Variants in GRIA1 observed in about 807,000 individuals in gnomAD.
GRIA1 encodes the protein glutamate receptor 1.
GRIA1 carries 31 observed loss-of-function variants against 99.2 expected under a neutral mutation model. That is an observed-to-expected ratio of 0.31 (90% CI 0.23 to 0.42). The LOEUF is 0.42. Ranked by LOEUF, GRIA1 falls within the 10% of genes least tolerant of loss-of-function variation. The probability of loss-of-function intolerance (pLI) is 1.00; values close to 1 mark genes in which losing one functional copy is unlikely to be tolerated. For synonymous variants in GRIA1, 438 were observed against 432.4 expected (o/e 1.01, Z -0.16); for missense variants, 782 against 1,157.5 (o/e 0.68, Z 4.71).
At chr5:153,561,818 C>T (rs534535575) in intron 2 of GRIA1, among the ~76,000 whole-genome samples, 10 of 152,214 alleles carry the variant, frequency 6.6e-5, no homozygotes, top group African/African-American at 7.2e-5. Flanking sequence ...AGGGGGCAAT[C>T]ACTTCCACCA....
chr5:153,740,909 G>A (rs1323077675), intron 11 of GRIA1, among the ~76,000 whole-genome samples: 1 of 150,304 alleles, frequency 6.7e-6, no homozygotes, highest in East Asian at 2.0e-4. Context: ...TACGTAACCT[G>A]AGCAAGAAAT....
rs6888086 is a variant in GRIA1 at position 153,709,599 on chromosome 5, T to C, written c.1823+3532T>C. ...AAAAGTGGTAGCAGGTAGTGGCTTGTGGTGAAATCCAGATTGGCCATTCTG... is the reference window on the plus strand; with the variant it reads ...AAAAGTGGTAGCAGGTAGTGGCTTGCGGTGAAATCCAGATTGGCCATTCTG... On this transcript the variant is annotated intron_variant, in intron 11 of 15. Transcript: ENST00000285900. Among the ~76,000 whole-genome samples the C allele has an allele frequency of 3.9e-3, 593 of 152,326 alleles. 4 individuals carry two copies. Among genetic ancestry groups the C allele is most frequent in the African/African-American group, 0.013 (560 of 41,568 alleles).
At chr5:153,688,843 C>T (rs1158809752) in intron 8 of GRIA1, among the ~76,000 whole-genome samples, 2 of 151,966 alleles carry the variant, frequency 1.3e-5, no homozygotes, top group Non-Finnish European at 2.9e-5. Flanking sequence ...CCTCAGCCTC[C>T]CGAGTGGTTG....
intron 2 of GRIA1, among the ~76,000 whole-genome samples, chr5:153,643,806 G>A (rs1328885409): frequency 1.3e-5 from 2 of 152,212 alleles, no homozygotes; most frequent in Non-Finnish European, 2.9e-5. Context: ...AAAATGAGGA[G>A]ATAATTTGAA....
rs1757896323 is a variant in GRIA1 at position 153,693,380 on chromosome 5, G to A, written c.1135-4664G>A. Among the ~76,000 whole-genome samples, 3 of 152,170 alleles carry A rather than the reference G, an allele frequency of 2.0e-5. No individual in the cohort carries two copies. The South Asian group carries it at 6.2e-4, about 32-fold the overall frequency. Reference sequence around the variant, plus strand: ...TCTCTACACCATGGAAGGAAAATAAGAATGCTTGGGAGTCAGCTAATTATC... The same window carrying A: ...TCTCTACACCATGGAAGGAAAATAAAAATGCTTGGGAGTCAGCTAATTATC... On this transcript the variant is annotated intron_variant, in intron 8 of 15. Transcript: ENST00000285900.
chr5:153,596,689 A>C (rs1223924449), intron 2 of GRIA1, among the ~76,000 whole-genome samples: 1 of 152,080 alleles, frequency 6.6e-6, no homozygotes, highest in Non-Finnish European at 1.5e-5. Context: ...CTAAAAACTC[A>C]GTGTTGTGGT....
At chr5:153,767,995 T>G (rs1309749058) in intron 12 of GRIA1, among the ~76,000 whole-genome samples, 1 of 152,190 alleles carries the variant, frequency 6.6e-6, no homozygotes, top group African/African-American at 2.4e-5. Flanking sequence ...CCCAGAAGGC[T>G]CCTCAGCTCT....
At chr5:153,795,474 A>C in intron 14 of GRIA1, 1 of 1,547,962 alleles carries the variant, frequency 6.5e-7, no homozygotes, top group Non-Finnish European at 8.9e-7. Context: ...CCCTGGTTGA[A>C]GAGGTCCCGT....
chr5:153,742,828 A>T (rs570972132), intron 11 of GRIA1, among the ~76,000 whole-genome samples: 66 of 152,314 alleles, frequency 4.3e-4, no homozygotes, highest in African/African-American at 1.6e-3. Context: ...GTCCAACATG[A>T]TTGCATTGAG....
chr5:153,782,374 G>A (rs574318949), intron 13 of GRIA1, among the ~76,000 whole-genome samples: 1 of 152,310 alleles, frequency 6.6e-6, no homozygotes, highest in South Asian at 2.1e-4. Flanking sequence ...AGGAAATGAT[G>A]AAGACTAGTG....
Position 153,650,454 on chromosome 5 carries a change from A to G in GRIA1, c.585A>G (p.Lys195=). The G allele has an allele frequency of 6.2e-7, 1 of 1,613,986 alleles. No homozygotes were observed. The highest frequency in any genetic ancestry group is 8.5e-7 in the Non-Finnish European group (1 of 1,179,940). ...YRMLFQDLEK[K]KERLVVVDCE... is the part of the protein sequence containing the mutation. The stretch of plus-strand genomic sequence containing the variant: ...TGCTCTTTCAGGACCTGGAGAAGAA[A>G]AAGGAGCGGCTGGTGGTGGTGGACT... Residue 195 remains lysine (K), a synonymous_variant, in exon 4 of 16, where the codon AAA becomes AAG. Transcript: ENST00000285900.
At chr5:153,798,850 T>C (rs759283362) in intron 14 of GRIA1, among the ~76,000 whole-genome samples, 1 of 151,846 alleles carries the variant, frequency 6.6e-6, no homozygotes, top group Non-Finnish European at 1.5e-5. Flanking sequence ...AGGAGAAATA[T>C]AGGGGGGGAA....
chr5:153,676,181 A>T (rs994158105), intron 6 of GRIA1, among the ~76,000 whole-genome samples: 7 of 152,204 alleles, frequency 4.6e-5, no homozygotes, highest in Admixed American at 1.3e-4. Flanking sequence ...TTAAAAAAGA[A>T]GTGAGAGAAT....
chr5:153,761,548 A>G (rs1763182168), intron 11 of GRIA1, among the ~76,000 whole-genome samples: 1 of 152,122 alleles, frequency 6.6e-6, no homozygotes, highest in African/African-American at 2.4e-5. Context: ...AGGAAGGGGA[A>G]CTCTTATATG....
intron 13 of GRIA1, among the ~76,000 whole-genome samples, chr5:153,791,093 C>T (rs1014466259): frequency 1.3e-5 from 2 of 151,716 alleles, no homozygotes; most frequent in African/African-American, 4.8e-5. Context: ...ACCAGAATCG[C>T]CCCCGGGCCA....
At position 153,811,318 on chromosome 5, in the gene GRIA1, G is replaced by A. The variant is rs1032066589; in HGVS notation, c.*93G>A. On this transcript the variant is annotated 3_prime_UTR_variant, in exon 16 of 16. Coordinates refer to ENST00000285900, the MANE Select transcript of GRIA1 (RefSeq NM_000827.4). Reference sequence around the variant, plus strand: ...GCCAAAAACAACAACAAAATGAAACGCAACCACCACCAACCACTGCGACCA... The same window carrying A: ...GCCAAAAACAACAACAAAATGAAACACAACCACCACCAACCACTGCGACCA... The A allele has an allele frequency of 8.4e-6, 7 of 832,840 alleles. No homozygotes were observed. The highest frequency in any genetic ancestry group is 4.4e-5 in the South Asian group (3 of 68,210). 51.6% of individuals were successfully genotyped at this position (832,840 alleles called of 1,614,324 possible). A position where few individuals can be genotyped will look rare whatever the true frequency, so the allele number is the denominator to read the frequency against.
At position 153,770,269 on chromosome 5, in the gene GRIA1, GA is replaced by G; in HGVS notation, c.2127del (p.Lys709AsnfsTer14). 6.2e-7 allele frequency: 1 copy of G among 1,614,050 alleles called. No individual in the cohort carries two copies. The highest frequency in any genetic ancestry group is 8.5e-7 in the Non-Finnish European group (1 of 1,179,946). ...CAGAGGAGGGGATGATTCGAGTGAG[GA>G]AATCCAAAGGCAAATATGCCTACCT... Reference protein sequence around the residue: ...TTEEGMIRVRKSKGKYAYLLE... With the variant: ...TTEEGMIRVRXSKGKYAYLLE... On this transcript the variant is annotated frameshift_variant, in exon 13 of 16. Coordinates refer to ENST00000285900, the MANE Select transcript of GRIA1 (RefSeq NM_000827.4). LOFTEE classifies it high-confidence loss of function.
At chr5:153,696,008 G>A (rs968867520) in intron 8 of GRIA1, among the ~76,000 whole-genome samples, 8 of 152,126 alleles carry the variant, frequency 5.3e-5, no homozygotes, top group African/African-American at 1.9e-4. Flanking sequence ...TAGCACCATG[G>A]AGAGATGGGG....
chr5:153,746,766 A>C (rs1356000185), intron 11 of GRIA1, among the ~76,000 whole-genome samples: 2 of 152,228 alleles, frequency 1.3e-5, no homozygotes, highest in Non-Finnish European at 2.9e-5. Flanking sequence ...ACTTAAGCCC[A>C]AAAATACACA....
Sources: gnomAD v4.1 joint callset for allele counts (sites outside exome capture counted in the v4.1 genomes callset) on GRCh38, gnomAD v4.1.1 for gene constraint, MANE v1.5 for transcripts, NCBI Gene and HGNC (gene_info 2026-07-23, HGNC 2026-07-21) for gene names.